PICALM: variants seen among roughly 807,000 people sequenced by gnomAD.
PICALM encodes phosphatidylinositol-binding clathrin assembly protein.
Under a neutral mutation model 80.5 loss-of-function variants are expected in PICALM, and 40 were observed. That is an observed-to-expected ratio of 0.50 (90% CI 0.39 to 0.65). The LOEUF is 0.65. Ranked by LOEUF, PICALM falls within the 30% of genes least tolerant of loss-of-function variation. The pLI is 0.00. For missense variants in PICALM, 676 were observed against 778.9 expected (o/e 0.87, Z 1.57); for synonymous variants, 288 against 260.3 (o/e 1.11, Z -1.02).
chr11:85,981,250 A>C, intron 16 of PICALM, 22 bp from the exon 17 acceptor site: 1 of 1,198,544 alleles, frequency 8.3e-7, no homozygotes, highest in Non-Finnish European at 1.2e-6. Context: ...CATAAGTGAG[A>C]ATATTAAATG....
chr11:86,027,392 T>G (rs2095665481), intron 2 of PICALM, among the ~76,000 whole-genome samples: 2 of 152,196 alleles, frequency 1.3e-5, no homozygotes, highest in African/African-American at 4.8e-5. Context: ...AAGAAATGCC[T>G]TTCAACTTCG....
intron 4 of PICALM, among the ~76,000 whole-genome samples, chr11:86,020,588 T>C (rs2095548635): frequency 6.6e-6 from 1 of 152,210 alleles, no homozygotes; most frequent in African/African-American, 2.4e-5. Flanking sequence ...TTTACATTTA[T>C]GGTCAACTCA....
intron 9 of PICALM, among the ~76,000 whole-genome samples, chr11:86,002,283 C>T (rs1325068165): frequency 6.6e-6 from 1 of 152,060 alleles, no homozygotes; most frequent in Non-Finnish European, 1.5e-5. Flanking sequence ...CGGCATTTCC[C>T]TTTGGAAATT....
At chr11:85,975,648 G>A (rs181461164) in intron 18 of PICALM, among the ~76,000 whole-genome samples, 1 of 139,378 alleles carries the variant, frequency 7.2e-6, no homozygotes, top group Non-Finnish European at 1.5e-5. Flanking sequence ...CCAGACTGGA[G>A]TGCAGTGGCA....
intron 3 of PICALM, among the ~76,000 whole-genome samples, chr11:86,022,956 A>G (rs1458413677): frequency 2.6e-5 from 4 of 152,182 alleles, no homozygotes; most frequent in Non-Finnish European, 5.9e-5. Flanking sequence ...GTGTAATATA[A>G]GAAATGGCAA....
At chr11:86,060,171 A>G (rs909473221) in intron 1 of PICALM, among the ~76,000 whole-genome samples, 16 of 152,028 alleles carry the variant, frequency 1.1e-4, no homozygotes, top group Non-Finnish European at 1.9e-4. Flanking sequence ...CTCTTTGAGT[A>G]CTCTTTTGTC....
chr11:86,009,292 C>CAAAAA (rs10557244), intron 7 of PICALM, among the ~76,000 whole-genome samples: 5 of 41,636 alleles, frequency 1.2e-4, no homozygotes, highest in Admixed American at 4.5e-4. Context: ...GTCTCTGTCT[C>CAAAAA]AAAAAAAAAA....
chr11:86,039,320 G>A (rs1244963309), intron 1 of PICALM, among the ~76,000 whole-genome samples: 1 of 152,106 alleles, frequency 6.6e-6, no homozygotes, highest in Non-Finnish European at 1.5e-5. Flanking sequence ...GATCCCAGGA[G>A]TTCAAGGCTG....
chr11:85,999,159 G>A (rs2095066890), intron 11 of PICALM, among the ~76,000 whole-genome samples: 1 of 152,138 alleles, frequency 6.6e-6, no homozygotes, highest in East Asian at 1.9e-4. Context: ...TAATTCTACT[G>A]TGCTATCAAA....
intron 1 of PICALM, among the ~76,000 whole-genome samples, chr11:86,063,398 TA>T (rs2096398643): frequency 6.6e-6 from 1 of 152,200 alleles, no homozygotes; most frequent in Non-Finnish European, 1.5e-5. Context: ...CCCAAAGTCT[TA>T]TACTATTTCT....
intron 4 of PICALM, among the ~76,000 whole-genome samples, chr11:86,018,097 TCTAATTGGTGTGAAG>T (rs1250890825): frequency 2.6e-5 from 4 of 152,214 alleles, no homozygotes; most frequent in African/African-American, 9.6e-5. Context: ...AAGTCTCTCA[TCTAATTGGTGTGAAG>T]CTAGAATTCA....
chr11:85,982,422 A>ATTTTTTTTTTTTTT (rs1446437172), intron 14 of PICALM, among the ~76,000 whole-genome samples: 12 of 29,758 alleles, frequency 4.0e-4, no homozygotes, highest in African/African-American at 1.1e-3. Flanking sequence ...GATTTTATAG[A>ATTTTTTTTTTTTTT]CTTTTTTTTT....
intron 12 of PICALM, among the ~76,000 whole-genome samples, chr11:85,994,729 T>C (rs987069419): frequency 6.6e-6 from 1 of 152,224 alleles, no homozygotes; most frequent in Non-Finnish European, 1.5e-5. Flanking sequence ...TTTCTTTTCT[T>C]TTCTTTTCTG....
intron 4 of PICALM, among the ~76,000 whole-genome samples, chr11:86,020,981 G>A (rs1181809822): frequency 6.6e-6 from 1 of 152,110 alleles, no homozygotes; most frequent in East Asian, 1.9e-4. Flanking sequence ...TATGCGATAA[G>A]AAACTGGTGC....
Position 86,022,446 on chromosome 11 carries a change from T to C in PICALM, c.373A>G (p.Arg125Gly). Residue 125 changes from arginine to glycine, a missense_variant, in exon 4 of 20, where the codon AGG (arginine) becomes GGG (glycine). By Grantham distance (125) the Arg-to-Gly change is moderately radical. Around this residue, in one of 2 missense-constraint regions of PICALM, gnomAD observed 285 missense variants for 395.4 expected, o/e 0.72. Transcript: ENST00000393346. ...LQGYDMSTFI[R>G]RYSRYLNEKA... The stretch of plus-strand genomic sequence containing the variant: ...TCATTTAAATATCTACTATACCGCC[T>C]AATAAATGTAGACATGTCATATCCT... The C allele has an allele frequency of 1.3e-6, 2 of 1,566,072 alleles. No homozygotes were observed. Among genetic ancestry groups the C allele is most frequent in the Non-Finnish European group, 1.7e-6 (2 of 1,154,046 alleles).
intron 1 of PICALM, among the ~76,000 whole-genome samples, chr11:86,066,309 G>A (rs76977102): frequency 0.026 from 3,956 of 152,232 alleles, 176 homozygotes; most frequent in African/African-American, 0.091. Flanking sequence ...AGGGAAAATA[G>A]TATCCCTGTA....
chr11:86,038,372 G>A (rs1263010777), intron 1 of PICALM, among the ~76,000 whole-genome samples: 1 of 151,902 alleles, frequency 6.6e-6, no homozygotes, highest in Non-Finnish European at 1.5e-5. Context: ...GCATGGTAAA[G>A]TACCTGAGAA....
chr11:85,995,395 T>C (rs1462556368), intron 12 of PICALM, among the ~76,000 whole-genome samples: 12 of 152,338 alleles, frequency 7.9e-5, no homozygotes, highest in Middle Eastern at 3.4e-3. Context: ...TAACAGGACA[T>C]AGAACAATTC....
intron 19 of PICALM, among the ~76,000 whole-genome samples, chr11:85,968,183 C>T (rs1033627766): frequency 3.9e-5 from 6 of 152,062 alleles, no homozygotes; most frequent in Non-Finnish European, 7.4e-5. Context: ...ATTAGTCAGG[C>T]ATTGTGGTGT....
Sources: gnomAD v4.1 joint callset for allele counts (sites outside exome capture counted in the v4.1 genomes callset) on GRCh38, gnomAD v4.1.1 for gene constraint, gnomAD v4.1.1 regional missense constraint, MANE v1.5 for transcripts, NCBI Gene and HGNC (gene_info 2026-07-23, HGNC 2026-07-21) for gene names.